The following TRMT9B variants were observed in gnomAD, a reference collection of about 807,000 sequenced individuals.
TRMT9B encodes tRNA methyltransferase 9B (putative).
A neutral mutation model predicts 11.5 loss-of-function variants in TRMT9B; 16 were observed. The observed-to-expected ratio is 1.39, with a 90% CI of 0.94 to 2.11. The LOEUF (loss-of-function observed/expected upper bound fraction) is 2.11, where lower values mean the gene tolerates loss of function less well. Ranked by LOEUF, TRMT9B falls within the 30% of genes most tolerant of loss-of-function variation. The pLI is 0.00. For synonymous variants in TRMT9B, 274 were observed against 192.4 expected (o/e 1.42, Z -3.51); for missense variants, 941 against 553.8 (o/e 1.70, Z -7.02).
chr8:12,994,784 C>A (rs1038796089), intron 2 of TRMT9B, among the ~76,000 whole-genome samples: 1 of 152,174 alleles, frequency 6.6e-6, no homozygotes, highest in Non-Finnish European at 1.5e-5. Flanking sequence ...CGGGTTCAAG[C>A]AATTCTCCTG....
chr8:12,985,841 G>A (rs1048899298), intron 1 of TRMT9B, among the ~76,000 whole-genome samples: 2 of 151,872 alleles, frequency 1.3e-5, no homozygotes, highest in Non-Finnish European at 2.9e-5. Flanking sequence ...AATGGGCTAT[G>A]TACTAGATTA....
intron 2 of TRMT9B, among the ~76,000 whole-genome samples, chr8:12,993,207 G>C (rs1166969455): frequency 6.6e-6 from 1 of 152,214 alleles, no homozygotes; most frequent in Non-Finnish European, 1.5e-5. Context: ...AGGAGTGCAG[G>C]TGCTATCCCG....
chr8:12,987,392 A>G (rs1223086543), intron 1 of TRMT9B, among the ~76,000 whole-genome samples: 2 of 152,188 alleles, frequency 1.3e-5, no homozygotes, highest in Non-Finnish European at 2.9e-5. Context: ...AAATATTATA[A>G]GTCAAAAATG....
chr8:12,981,348 G>A (rs1475900504), intron 1 of TRMT9B, among the ~76,000 whole-genome samples: 1 of 152,180 alleles, frequency 6.6e-6, no homozygotes, highest in Non-Finnish European at 1.5e-5. Flanking sequence ...GTGTGAATTG[G>A]GGGTGGGACA....
chr8:12,992,985 G>C (rs1250521808), intron 2 of TRMT9B, among the ~76,000 whole-genome samples: 2 of 152,206 alleles, frequency 1.3e-5, no homozygotes, highest in Non-Finnish European at 2.9e-5. Context: ...AGTAGATTTT[G>C]GCAGGAGGAA....
rs201259020 is a variant in TRMT9B at position 13,021,283 on chromosome 8, T to C, written c.604T>C (p.Cys202Arg). ...TTGCTCTGAGTGTAGCTGTTCTGTT[T>C]GTTTTAAAGAGCAGTGTGGTTCAAA... ...PPCSECSCSV[C>R]FKEQCGSKRS... The change falls in exon 5 of 5, where the codon TGT (cysteine) becomes CGT (arginine). Residue 202 changes from cysteine to arginine, a missense_variant. Coordinates refer to ENST00000524591, the MANE Select transcript of TRMT9B (RefSeq NM_020844.3). 1.7e-4 allele frequency: 268 copies of C among 1,613,878 alleles called. No individual in the cohort carries two copies. Among genetic ancestry groups the C allele is most frequent in the Non-Finnish European group, 2.2e-4 (257 of 1,179,882 alleles).
chr8:12,990,995 C>G lies in TRMT9B; in HGVS notation c.-38C>G, dbSNP rs966995088. ...TGGAGACTGCCGTGATTCACAAAGA[C>G]AAGAGGTAATTTTCCTGTAATCACA... On this transcript the variant is annotated 5_prime_UTR_variant, in exon 2 of 5. Coordinates refer to ENST00000524591, the MANE Select transcript of TRMT9B (RefSeq NM_020844.3). 7.0e-6 allele frequency: 9 copies of G among 1,280,100 alleles called. No individual in the cohort carries two copies. In the Admixed American group the frequency reaches 9.4e-5, roughly 13 times the overall value. 79.3% of individuals were successfully genotyped at this position (1,280,100 alleles called of 1,614,324 possible).
At chr8:12,946,131 A>T (rs540742171) in intron 1 of TRMT9B, among the ~76,000 whole-genome samples, 165 bp downstream of exon 1, 20 of 152,334 alleles carry the variant, frequency 1.3e-4, no homozygotes, top group African/African-American at 4.8e-4. Flanking sequence ...ATCTTTGTTG[A>T]ATAAAATAAT....
At chr8:12,980,198 G>C (rs956953162) in intron 1 of TRMT9B, among the ~76,000 whole-genome samples, 1 of 152,064 alleles carries the variant, frequency 6.6e-6, no homozygotes, top group Admixed American at 6.6e-5. Context: ...TGCTCCCTTT[G>C]AATTCTCCAC....
intron 2 of TRMT9B, among the ~76,000 whole-genome samples, chr8:13,004,453 G>A (rs558391425): frequency 5.3e-5 from 8 of 151,738 alleles, no homozygotes; most frequent in Admixed American, 5.2e-4. Context: ...AGAGGATTTT[G>A]TCTTGTATTT....
chr8:13,003,996 A>C (rs976680935), intron 2 of TRMT9B, among the ~76,000 whole-genome samples: 2 of 151,626 alleles, frequency 1.3e-5, no homozygotes, highest in Non-Finnish European at 2.9e-5. Flanking sequence ...TGCTTAGGGG[A>C]GGGAGAATGC....
chr8:13,029,142 A>G lies in TRMT9B; in HGVS notation c.*7098A>G, dbSNP rs1815070789. The G allele has an allele frequency of 6.0e-6, 1 of 166,974 alleles. No individual in the cohort carries two copies. Among genetic ancestry groups the G allele is most frequent in the Non-Finnish European group, 1.5e-5 (1 of 68,110 alleles). The allele number at this position is 166,974 out of a possible 1,614,324, so 10.3% of individuals were successfully genotyped here. A position where few individuals can be genotyped will look rare whatever the true frequency, so the allele number is the denominator to read the frequency against. ...TTTTGTGCACGCGTGAATACATCAA[A>G]TTAGCAATTACCATAGAAATGTATT... On this transcript the variant is annotated 3_prime_UTR_variant, in exon 5 of 5. Transcript: ENST00000524591.
chr8:12,977,691 C>T (rs575925510), intron 1 of TRMT9B, among the ~76,000 whole-genome samples: 1 of 151,880 alleles, frequency 6.6e-6, no homozygotes, highest in Non-Finnish European at 1.5e-5. Context: ...CAGAGCAAGA[C>T]TCTGTCTCAA....
At chr8:13,015,106 A>C (rs1452696001) in intron 4 of TRMT9B, among the ~76,000 whole-genome samples, 3 of 151,394 alleles carry the variant, frequency 2.0e-5, no homozygotes, top group Non-Finnish European at 2.9e-5. Context: ...AATAAAATAA[A>C]AAGTCAAAGA....
At chr8:12,959,391 G>A (rs558397974) in intron 1 of TRMT9B, among the ~76,000 whole-genome samples, 10 of 151,702 alleles carry the variant, frequency 6.6e-5, no homozygotes, top group Non-Finnish European at 1.5e-4. Context: ...TCAGCTATGT[G>A]TATATAAATC....
intron 3 of TRMT9B, 193 bp from the exon 4 acceptor site, chr8:13,012,491 C>T: frequency 2.9e-6 from 2 of 679,204 alleles, no homozygotes; most frequent in Non-Finnish European, 4.3e-6. Context: ...AAGAGAATTG[C>T]TTGAACCCGT....
intron 2 of TRMT9B, among the ~76,000 whole-genome samples, chr8:12,992,369 C>G (rs1807506338): frequency 6.6e-6 from 1 of 151,976 alleles, no homozygotes; most frequent in African/African-American, 2.4e-5. Flanking sequence ...TATAGAAGTC[C>G]TGGGGCCGGG....
At chr8:13,012,150 A>C (rs1002062850) in intron 3 of TRMT9B, 20 of 985,634 alleles carry the variant, frequency 2.0e-5, no homozygotes, top group Non-Finnish European at 2.4e-5. Flanking sequence ...TTAAATATTC[A>C]ATAAATGTTA....
rs2947373 is a variant in TRMT9B, at chr8:12,987,506, C to T, written c.-199-3328C>T. Among the ~76,000 whole-genome samples, 981 of 152,134 alleles carry T rather than the reference C, an allele frequency of 6.4e-3. 13 individuals carry two copies. The highest frequency in any genetic ancestry group is 0.023 in the African/African-American group (936 of 41,490). On this transcript the variant is annotated intron_variant, in intron 1 of 4. Transcript: ENST00000524591. Reference sequence around the variant, plus strand: ...AGGAGTTTGAGACCAGCCTGGGGAACGTAGGGAGACCCCATTTCTACAAAA... The same window carrying T: ...AGGAGTTTGAGACCAGCCTGGGGAATGTAGGGAGACCCCATTTCTACAAAA...
Sources: allele counts gnomAD v4.1 joint callset (sites outside exome capture counted in the v4.1 genomes callset), GRCh38; gene constraint gnomAD v4.1.1; transcripts MANE v1.5; gene names NCBI Gene and HGNC (gene_info 2026-07-23, HGNC 2026-07-21).